Variants in METTL25 observed in about 807,000 individuals in gnomAD.
The protein encoded by METTL25 is probable methyltransferase-like protein 25.
A neutral mutation model predicts 71.6 loss-of-function variants in METTL25; 64 were observed. That is an observed-to-expected ratio of 0.89 (90% CI 0.73 to 1.10). The LOEUF (loss-of-function observed/expected upper bound fraction) is 1.10. METTL25 is among the 50% of genes least tolerant of loss of function. The pLI, the probability that METTL25 is intolerant of heterozygous loss-of-function variation, is 0.00. For missense variants in METTL25, 807 were observed against 707.0 expected (o/e 1.14, Z -1.60); for synonymous variants, 287 against 250.3 (o/e 1.15, Z -1.38).
chr12:82,387,714 C>T (rs575821882), intron 2 of METTL25, among the ~76,000 whole-genome samples: 1 of 35,878 alleles, frequency 2.8e-5, no homozygotes. Flanking sequence ...CACACACACG[C>T]GCACACACAC....
chr12:82,400,270 T>G (rs1159167000), intron 4 of METTL25, among the ~76,000 whole-genome samples: 3 of 151,650 alleles, frequency 2.0e-5, no homozygotes, highest in African/African-American at 7.3e-5. Flanking sequence ...AGGTGGAGCT[T>G]GCAGTGAGCC....
chr12:82,403,157 T>C, intron 5 of METTL25, 27 bp downstream of exon 5: 3 of 1,587,296 alleles, frequency 1.9e-6, no homozygotes, highest in South Asian at 2.3e-5. Context: ...TGTCATAATT[T>C]TTATTCATTT....
chr12:82,402,597 CAT>C (rs1015993826), intron 4 of METTL25, among the ~76,000 whole-genome samples: 14 of 152,118 alleles, frequency 9.2e-5, no homozygotes, highest in East Asian at 5.8e-4. Flanking sequence ...AAAATAAAAA[CAT>C]AGAATACTTT....
At chr12:82,401,378 A>G (rs1021387187) in intron 4 of METTL25, among the ~76,000 whole-genome samples, 1 of 152,072 alleles carries the variant, frequency 6.6e-6, no homozygotes, top group Non-Finnish European at 1.5e-5. Flanking sequence ...AAAATGGACA[A>G]TGTTTTCTGA....
At chr12:82,420,371 G>A (rs187752112) in intron 5 of METTL25, among the ~76,000 whole-genome samples, 1 of 152,086 alleles carries the variant, frequency 6.6e-6, no homozygotes, top group East Asian at 1.9e-4. Flanking sequence ...GAAAAAAACA[G>A]GGAGGAGACA....
chr12:82,427,301 AC>A (rs1450603884), intron 5 of METTL25, among the ~76,000 whole-genome samples: 4 of 151,868 alleles, frequency 2.6e-5, no homozygotes, highest in African/African-American at 9.7e-5. Context: ...GTAAGAAGTC[AC>A]CCCAAAACTC....
chr12:82,437,270 G>C (rs770454725), intron 7 of METTL25, among the ~76,000 whole-genome samples: 13 of 151,500 alleles, frequency 8.6e-5, no homozygotes, highest in Non-Finnish European at 1.5e-4. Flanking sequence ...TTTTAGTGTG[G>C]GCACTCAAAC....
intron 5 of METTL25, among the ~76,000 whole-genome samples, chr12:82,405,668 G>T (rs905772839): frequency 6.6e-6 from 1 of 152,122 alleles, no homozygotes; most frequent in East Asian, 1.9e-4. Context: ...TTTGAATAGG[G>T]CATGTTAGAT....
chr12:82,425,533 G>A (rs975739843), intron 5 of METTL25, among the ~76,000 whole-genome samples: 4 of 152,012 alleles, frequency 2.6e-5, no homozygotes, highest in South Asian at 2.1e-4. Context: ...AAGAGTTTCC[G>A]GAAATCTACA....
chr12:82,475,605 C>T (rs1256926325), intron 9 of METTL25, among the ~76,000 whole-genome samples: 1 of 152,020 alleles, frequency 6.6e-6, no homozygotes, highest in Non-Finnish European at 1.5e-5. Flanking sequence ...TTTTATCCAG[C>T]CTTTCATTTG....
Position 82,438,785 on chromosome 12 carries a change from C to T in METTL25, c.1472C>T (p.Thr491Ile), listed in dbSNP as rs186814835. The part of the protein sequence containing the change: ...QDIIKDCYGI[T>I]KCDRHVGKIY... ...ATTATTAAAGATTGTTATGGCATCA[C>T]CAAATGGTATGAGGATTTTATTTTA... The change falls in exon 8 of 12, where the codon ACC (threonine) becomes ATC (isoleucine). Residue 491 changes from threonine (T) to isoleucine (I), a missense_variant. Physicochemically the swap from Thr to Ile is moderately conservative, Grantham distance 89. Coordinates refer to ENST00000248306, the MANE Select transcript of METTL25 (RefSeq NM_032230.3). 7.4e-6 allele frequency: 11 copies of T among 1,495,960 alleles called. No individual in the cohort carries two copies. The East Asian group carries it at 2.1e-4, about 29-fold the overall frequency. The allele number at this position is 1,495,960 out of a possible 1,614,324, so 92.7% of individuals were successfully genotyped here.
chr12:82,463,909 A>G (rs957683732), intron 9 of METTL25, among the ~76,000 whole-genome samples: 4 of 151,260 alleles, frequency 2.6e-5, no homozygotes, highest in Non-Finnish European at 4.4e-5. Flanking sequence ...AGTGCAGATT[A>G]TTTGCCCATT....
chr12:82,395,876 T>G (rs973097433), intron 3 of METTL25, among the ~76,000 whole-genome samples: 3 of 152,080 alleles, frequency 2.0e-5, no homozygotes, highest in African/African-American at 7.2e-5. Flanking sequence ...CAAAACTAAT[T>G]AAATAATAGA....
chr12:82,377,426 T>C (rs900233397), intron 1 of METTL25, among the ~76,000 whole-genome samples: 1 of 152,224 alleles, frequency 6.6e-6, no homozygotes, highest in African/African-American at 2.4e-5. Context: ...GTTTGGTATC[T>C]TAAATTATTT....
At chr12:82,428,748 A>G (rs528818009) in intron 5 of METTL25, among the ~76,000 whole-genome samples, 4 of 143,500 alleles carry the variant, frequency 2.8e-5, no homozygotes, top group African/African-American at 5.1e-5. Context: ...AAGTAAGGCA[A>G]TTGACTTAAC....
At chr12:82,429,279 A>C (rs1046125682) in intron 5 of METTL25, among the ~76,000 whole-genome samples, 1 of 151,572 alleles carries the variant, frequency 6.6e-6, no homozygotes, top group African/African-American at 2.4e-5. Context: ...TAGCTCTCAC[A>C]TATGAGTGAG....
intron 8 of METTL25, among the ~76,000 whole-genome samples, chr12:82,440,173 A>G (rs983076217): frequency 6.6e-6 from 1 of 151,896 alleles, no homozygotes; most frequent in African/African-American, 2.4e-5. Flanking sequence ...TTATTATTCT[A>G]TCCCCTAGTT....
intron 5 of METTL25, among the ~76,000 whole-genome samples, chr12:82,417,418 A>G (rs1888077473): frequency 6.6e-6 from 1 of 152,196 alleles, no homozygotes; most frequent in Non-Finnish European, 1.5e-5. Context: ...TATTCACATT[A>G]TAAAATGAGT....
chr12:82,385,739 G>A (rs1217566565), intron 1 of METTL25, among the ~76,000 whole-genome samples: 2 of 152,126 alleles, frequency 1.3e-5, no homozygotes, highest in African/African-American at 4.8e-5. Context: ...TTACTGAAAG[G>A]AATGAAATTT....
Sources: allele counts gnomAD v4.1 joint callset (sites outside exome capture counted in the v4.1 genomes callset), GRCh38; gene constraint gnomAD v4.1.1; transcripts MANE v1.5; gene names NCBI Gene and HGNC (gene_info 2026-07-23, HGNC 2026-07-21).